MAP2: variants seen among roughly 807,000 people sequenced by gnomAD.
MAP2 encodes microtubule-associated protein 2.
MAP2 carries 14 observed loss-of-function variants against 137.6 expected under a neutral mutation model. That is an observed-to-expected ratio of 0.10 (90% CI 0.07 to 0.16). MAP2 has a LOEUF of 0.16. MAP2 is among the 10% of genes least tolerant of loss of function. The pLI, the probability that MAP2 is intolerant of heterozygous loss-of-function variation, is 1.00. For missense variants in MAP2, 2,088 were observed against 2,191.5 expected, an observed-to-expected ratio of 0.95 and a Z score of 0.94; for synonymous variants, 786 against 782.3, an observed-to-expected ratio of 1.00 and a Z score of -0.08.
chr2:209,562,515 G>C (rs1251663563), intron 2 of MAP2, among the ~76,000 whole-genome samples: 1 of 152,006 alleles, frequency 6.6e-6, no homozygotes, highest in Non-Finnish European at 1.5e-5. Flanking sequence ...TGTCCAACAT[G>C]GTGAAACCCC....
intron 1 of MAP2, among the ~76,000 whole-genome samples, chr2:209,498,182 G>T (rs1162773212): frequency 6.6e-6 from 1 of 152,232 alleles, no homozygotes; most frequent in East Asian, 1.9e-4. Context: ...AGGGGCTAAA[G>T]GCCCCATGCA....
intron 4 of MAP2, among the ~76,000 whole-genome samples, chr2:209,643,753 G>A (rs1486272694): frequency 6.6e-6 from 1 of 152,136 alleles, no homozygotes. Flanking sequence ...CTACAAGTAG[G>A]ATTAGGCACA....
rs565672185 is a variant in MAP2 at position 209,424,082 on chromosome 2, G to GGCAGCA, written c.-397_-392dup. On this transcript the variant is annotated 5_prime_UTR_variant, in exon 1 of 16. Transcript: ENST00000682079. ...GGGCGCTCGGGCTGCGCGGGCTCTG[G>GGCAGCA]GCAGCAGCAGCAGCAGCAGCAGCAT... 7 of 160,488 alleles carry GGCAGCA rather than the reference G, an allele frequency of 4.4e-5. No individual in the cohort carries two copies. The highest frequency in any genetic ancestry group is 3.4e-4 in the South Asian group (2 of 5,934). 9.9% of individuals were successfully genotyped at this position (160,488 alleles called of 1,614,324 possible).
intron 2 of MAP2, among the ~76,000 whole-genome samples, chr2:209,561,912 A>G (rs1349129683): frequency 6.6e-6 from 1 of 152,220 alleles, no homozygotes; most frequent in Non-Finnish European, 1.5e-5. Context: ...GTAGTTGTGA[A>G]GGATCCAAAA....
chr2:209,694,970 G>C lies in MAP2; in HGVS notation c.2800G>C (p.Glu934Gln). The change falls in exon 8 of 16, where the codon GAA (glutamate) becomes CAA (glutamine). Residue 934 changes from glutamate to glutamine, a missense_variant. By Grantham distance (29) the Glu-to-Gln change is conservative. This residue lies in a region of MAP2 where 500 missense variants were observed against 482.9 expected (regional missense o/e 1.04). Coordinates refer to ENST00000682079, the MANE Select transcript of MAP2 (RefSeq NM_001375505.1). ...CAAAGATGAGTTCAGTGTTGACAAAGAAGCATCCGCGCATATCTCTGGTGA... is the reference window on the plus strand; with the variant it reads ...CAAAGATGAGTTCAGTGTTGACAAACAAGCATCCGCGCATATCTCTGGTGA... ...RVKDEFSVDKEASAHISGDKS... is the reference protein window; with the variant it reads ...RVKDEFSVDKQASAHISGDKS... 13 of 1,614,198 alleles carry C rather than the reference G, an allele frequency of 8.1e-6. No homozygotes were observed. Among genetic ancestry groups the C allele is most frequent in the Non-Finnish European group, 1.1e-5 (13 of 1,180,034 alleles).
intron 3 of MAP2, among the ~76,000 whole-genome samples, chr2:209,583,755 G>A (rs1009635352): frequency 3.1e-5 from 4 of 128,820 alleles, no homozygotes; most frequent in Non-Finnish European, 4.9e-5. Context: ...GGTACCGTAA[G>A]AGAGACATAA....
chr2:209,720,095 A>C (rs2153799049), intron 13 of MAP2, among the ~76,000 whole-genome samples: 1 of 152,334 alleles, frequency 6.6e-6, no homozygotes, highest in Middle Eastern at 3.4e-3. Flanking sequence ...GAGTCTGGCC[A>C]AAATGTAAAG....
intron 1 of MAP2, among the ~76,000 whole-genome samples, chr2:209,480,944 C>G (rs1289047246): frequency 1.3e-5 from 2 of 152,102 alleles, no homozygotes; most frequent in Admixed American, 1.3e-4. Flanking sequence ...TCTGCTTCAT[C>G]TGGAAATGCT....
chr2:209,696,414 C>A, intron 8 of MAP2, 64 bp downstream of exon 8: 1 of 1,496,940 alleles, frequency 6.7e-7, no homozygotes, highest in South Asian at 1.4e-5. Context: ...TTTTTTTTCA[C>A]TTAAACATTT....
intron 1 of MAP2, among the ~76,000 whole-genome samples, chr2:209,474,628 G>A (rs192307571): frequency 6.6e-6 from 1 of 152,046 alleles, no homozygotes; most frequent in East Asian, 1.9e-4. Flanking sequence ...GTGTGTATGT[G>A]TATGTATTAC....
At chr2:209,560,514 C>G (rs374726485) in intron 2 of MAP2, among the ~76,000 whole-genome samples, 1 of 141,256 alleles carries the variant, frequency 7.1e-6, no homozygotes, top group African/African-American at 2.7e-5. Flanking sequence ...GGGTGTCATT[C>G]TGTTGCCCAG....
rs141604840 is a variant in MAP2, at chr2:209,552,759, G to C, written c.-171-27277G>C. ...ACCTGTAGTCCCAGCTACTTGGGAG[G>C]CTGAGGCAGGAGTATCGCTTGATCC... is the stretch of plus-strand genomic sequence containing the variant. On this transcript the variant is annotated intron_variant, in intron 2 of 15. Transcript: ENST00000682079. 1.1e-3 allele frequency among the ~76,000 whole-genome samples: 166 copies of C among 152,156 alleles called. 4 individuals carry two copies. In the East Asian group the frequency reaches 0.031, roughly 28 times the overall value.
chr2:209,620,498 CAAGA>C (rs2090810190), intron 3 of MAP2, among the ~76,000 whole-genome samples: 2 of 152,150 alleles, frequency 1.3e-5, no homozygotes, highest in African/African-American at 4.8e-5. Context: ...ACAAAAGCTC[CAAGA>C]AAGAAAGATC....
intron 3 of MAP2, among the ~76,000 whole-genome samples, chr2:209,594,336 A>G (rs2080645760): frequency 6.6e-6 from 1 of 152,086 alleles, no homozygotes; most frequent in Non-Finnish European, 1.5e-5. Context: ...GAAGGCTTCA[A>G]GGGTCAAATG....
intron 5 of MAP2, among the ~76,000 whole-genome samples, chr2:209,669,006 C>T (rs1240004776): frequency 1.3e-5 from 2 of 152,142 alleles, no homozygotes; most frequent in East Asian, 3.9e-4. Context: ...GTCTATTTAA[C>T]ATTGACTTTT....
intron 4 of MAP2, among the ~76,000 whole-genome samples, chr2:209,626,053 T>G: frequency 6.6e-6 from 1 of 152,176 alleles, no homozygotes; most frequent in East Asian, 1.9e-4. Flanking sequence ...GCCACAGCAG[T>G]ATTCACTTTC....
At position 209,653,166 on chromosome 2, in the gene MAP2, G is replaced by A. The variant is rs1216664135; in HGVS notation, c.-5G>A. Reference sequence around the variant, plus strand: ...GTTGCAGGAGAAATAACAAGGCATTGAAGAATGGCAGATGAACGGAAAGAT... The same window carrying A: ...GTTGCAGGAGAAATAACAAGGCATTAAAGAATGGCAGATGAACGGAAAGAT... On this transcript the variant is annotated 5_prime_UTR_variant, in exon 5 of 16. Transcript: ENST00000682079. 6.3e-6 allele frequency: 10 copies of A among 1,585,978 alleles called. No individual in the cohort carries two copies. The highest frequency in any genetic ancestry group is 2.3e-5 in the South Asian group (2 of 86,230).
chr2:209,549,325 A>G (rs750292604), intron 2 of MAP2, among the ~76,000 whole-genome samples: 1 of 152,212 alleles, frequency 6.6e-6, no homozygotes, highest in African/African-American at 2.4e-5. Flanking sequence ...TCTCTTCACC[A>G]GAACAGACTT....
At chr2:209,723,760 T>C in intron 13 of MAP2, 1 of 977,498 alleles carries the variant, frequency 1.0e-6, no homozygotes, top group Non-Finnish European at 1.7e-6. Flanking sequence ...CCCTGCCTTC[T>C]TTCCCACCTC....
Sources: gnomAD v4.1 joint callset for allele counts (sites outside exome capture counted in the v4.1 genomes callset) on GRCh38, gnomAD v4.1.1 for gene constraint, gnomAD v4.1.1 regional missense constraint, MANE v1.5 for transcripts, NCBI Gene and HGNC (gene_info 2026-07-23, HGNC 2026-07-21) for gene names.